The following MAGI2 variants were observed in gnomAD, a reference collection of about 807,000 sequenced individuals.
The protein encoded by MAGI2 is membrane associated guanylate kinase, WW and PDZ domain containing 2.
A neutral mutation model predicts 133.3 loss-of-function variants in MAGI2; 35 were observed. The ratio of observed to expected loss-of-function variants is 0.26; its 90% CI spans 0.20 to 0.35. MAGI2 has a LOEUF of 0.35. Ranked by LOEUF, MAGI2 falls within the 10% of genes least tolerant of loss-of-function variation. The probability of loss-of-function intolerance (pLI) is 1.00; values close to 1 mark genes in which losing one functional copy is unlikely to be tolerated. For missense variants in MAGI2, 1,636 were observed against 1,863.4 expected (o/e 0.88, Z 2.25); for synonymous variants, 729 against 710.6 (o/e 1.03, Z -0.41).
chr7:79,388,488 G>C (rs1844358729), intron 1 of MAGI2, among the ~76,000 whole-genome samples: 2 of 151,882 alleles, frequency 1.3e-5, no homozygotes, highest in Non-Finnish European at 1.5e-5. Context: ...GTTCATTAGA[G>C]AGTCAGTTGA....
At chr7:78,313,778 T>C (rs369796357) in intron 9 of MAGI2, among the ~76,000 whole-genome samples, 2 of 152,188 alleles carry the variant, frequency 1.3e-5, no homozygotes, top group East Asian at 3.9e-4. Context: ...GGAAAAAAAA[T>C]CATATGCTTA....
At chr7:79,308,321 T>C (rs772436766) in intron 1 of MAGI2, among the ~76,000 whole-genome samples, 12 of 152,154 alleles carry the variant, frequency 7.9e-5, no homozygotes, top group African/African-American at 2.9e-4. Context: ...AACACCAACA[T>C]GCGTTCTCAG....
At chr7:78,662,531 A>G (rs1428311035) in intron 2 of MAGI2, among the ~76,000 whole-genome samples, 1 of 152,174 alleles carries the variant, frequency 6.6e-6, no homozygotes, top group Non-Finnish European at 1.5e-5. Context: ...CTTTTACTGA[A>G]TGTATTTTGC....
At chr7:78,112,295 T>G (rs145179657) in intron 20 of MAGI2, among the ~76,000 whole-genome samples, 4 of 152,368 alleles carry the variant, frequency 2.6e-5, no homozygotes, top group African/African-American at 9.6e-5. Context: ...ATTTCCATTC[T>G]TTCCTTGTCA....
chr7:79,220,321 T>C (rs1036358844), intron 1 of MAGI2, among the ~76,000 whole-genome samples: 1 of 151,968 alleles, frequency 6.6e-6, no homozygotes, highest in Non-Finnish European at 1.5e-5. Flanking sequence ...ACGGACAGCC[T>C]TAGTCAAAAC....
At chr7:78,657,680 C>T (rs539881246) in intron 2 of MAGI2, among the ~76,000 whole-genome samples, 1 of 152,256 alleles carries the variant, frequency 6.6e-6, no homozygotes, top group South Asian at 2.1e-4. Flanking sequence ...ATAGGCAGAG[C>T]ATATGTGATT....
At chr7:78,722,183 G>A (rs1820334121) in intron 2 of MAGI2, among the ~76,000 whole-genome samples, 1 of 151,444 alleles carries the variant, frequency 6.6e-6, no homozygotes, top group Non-Finnish European at 1.5e-5. Context: ...TGAATGTATT[G>A]TTTAATCTAG....
At chr7:79,062,828 C>G (rs1813891972) in intron 1 of MAGI2, among the ~76,000 whole-genome samples, 1 of 152,012 alleles carries the variant, frequency 6.6e-6, no homozygotes, top group South Asian at 2.1e-4. Context: ...GAGGAAACAG[C>G]TATTCTGAAA....
At position 78,961,999 on chromosome 7, in the gene MAGI2, T is replaced by C. The variant is rs192385678; in HGVS notation, c.418+45091A>G. On this transcript the variant is annotated intron_variant, in intron 2 of 21. Coordinates refer to ENST00000354212, the MANE Select transcript of MAGI2 (RefSeq NM_012301.4). ...AATACTCCAGGCAACTATGACACAA[T>C]GTTAAGTATTTGTGTATCTAAACAT... Among the ~76,000 whole-genome samples, 21 of 152,178 alleles carry C rather than the reference T, an allele frequency of 1.4e-4. No individual in the cohort carries two copies. The East Asian group carries it at 3.7e-3, about 27-fold the overall frequency.
At chr7:78,116,511 T>C (rs1454586380) in intron 20 of MAGI2, among the ~76,000 whole-genome samples, 6 of 152,054 alleles carry the variant, frequency 3.9e-5, no homozygotes, top group Admixed American at 3.3e-4. Flanking sequence ...TTTGGCATGA[T>C]TAATAAAGAA....
At chr7:78,845,383 A>G (rs1429346074) in intron 2 of MAGI2, among the ~76,000 whole-genome samples, 5 of 151,922 alleles carry the variant, frequency 3.3e-5, no homozygotes, top group African/African-American at 1.2e-4. Context: ...TAGTAGTTCT[A>G]TCATTTTAAT....
intron 20 of MAGI2, among the ~76,000 whole-genome samples, chr7:78,093,600 C>T (rs1016152775): frequency 6.6e-6 from 1 of 152,194 alleles, no homozygotes; most frequent in Non-Finnish European, 1.5e-5. Context: ...AAGAGGCGCC[C>T]TCCATGTTCA....
intron 2 of MAGI2, among the ~76,000 whole-genome samples, chr7:78,802,434 A>G (rs1481599916): frequency 6.6e-6 from 1 of 152,212 alleles, no homozygotes; most frequent in African/African-American, 2.4e-5. Flanking sequence ...TTAACAGTTC[A>G]GTGAAATGTC....
At position 79,022,414 on chromosome 7, in the gene MAGI2, T is replaced by A. The variant is rs922425444; in HGVS notation, c.302-15208A>T. ...GAGTTTATAGTGCTAAACACCCATA[T>A]AAAATAGTTAGAAAGATTTGAAATT... On this transcript the variant is annotated intron_variant, in intron 1 of 21. Coordinates refer to ENST00000354212, the MANE Select transcript of MAGI2 (RefSeq NM_012301.4). 2.6e-5 allele frequency among the ~76,000 whole-genome samples: 4 copies of A among 151,868 alleles called. No individual in the cohort carries two copies. The East Asian group carries it at 7.8e-4, about 29-fold the overall frequency.
Position 78,463,773 on chromosome 7 carries a change from T to C in MAGI2, c.1045+25988A>G, listed in dbSNP as rs781455964. 1.0e-3 allele frequency among the ~76,000 whole-genome samples: 153 copies of C among 152,344 alleles called. 1 individual carries two copies. The Middle Eastern group carries it at 0.017, about 17-fold the overall frequency. On this transcript the variant is annotated intron_variant, in intron 6 of 21. Coordinates refer to ENST00000354212, the MANE Select transcript of MAGI2 (RefSeq NM_012301.4). The stretch of plus-strand genomic sequence containing the variant: ...AAAGACTGTCATTATTTTTCATGTC[T>C]ACTATGCATACTAAGTAGTGTTTTA...
chr7:78,056,246 G>A (rs1233119520), intron 21 of MAGI2, among the ~76,000 whole-genome samples: 1 of 152,088 alleles, frequency 6.6e-6, no homozygotes, highest in African/African-American at 2.4e-5. Flanking sequence ...GCAGATGACA[G>A]GATTTCCTTC....
At chr7:78,963,745 C>G (rs1340425711) in intron 2 of MAGI2, among the ~76,000 whole-genome samples, 1 of 151,774 alleles carries the variant, frequency 6.6e-6, no homozygotes, top group Admixed American at 6.6e-5. Flanking sequence ...AAAAAGTGTG[C>G]CCTGGTTTAT....
intron 2 of MAGI2, among the ~76,000 whole-genome samples, chr7:78,684,916 A>G (rs979317572): frequency 2.6e-5 from 4 of 152,172 alleles, no homozygotes; most frequent in African/African-American, 4.8e-5. Context: ...GTACAAACAA[A>G]TGCCATTACT....
intron 2 of MAGI2, among the ~76,000 whole-genome samples, chr7:78,675,836 G>A (rs1347210897): frequency 2.0e-5 from 3 of 152,136 alleles, no homozygotes; most frequent in Admixed American, 6.6e-5. Context: ...TGCAGAGCCA[G>A]TTAATGATGC....
Sources: allele counts gnomAD v4.1 joint callset (sites outside exome capture counted in the v4.1 genomes callset), GRCh38; gene constraint gnomAD v4.1.1; transcripts MANE v1.5; gene names NCBI Gene and HGNC (gene_info 2026-07-23, HGNC 2026-07-21).